The following C3orf49 variants were observed in gnomAD, a reference collection of about 807,000 sequenced individuals.
C3orf49 encodes the protein putative uncharacterized protein C3orf49.
In C3orf49, 27 loss-of-function variants were observed where a neutral mutation model predicts 13.3. That is an observed-to-expected ratio of 2.02 (90% CI 1.49 to 2.79). The LOEUF (loss-of-function observed/expected upper bound fraction) is 2.79, where lower values mean the gene tolerates loss of function less well. Ranked by LOEUF, C3orf49 falls within the 30% of genes most tolerant of loss-of-function variation. C3orf49 has a pLI of 0.00. For synonymous variants in C3orf49, 87 were observed against 47.6 expected (o/e 1.83, Z -3.40); for missense variants, 242 against 134.2 (o/e 1.80, Z -3.97).
chr3:63,823,598 G>A, intron 2 of C3orf49, 29 bp downstream of exon 2: 1 of 681,346 alleles, frequency 1.5e-6, no homozygotes. Context: ...TTTGTCTTTG[G>A]GTTGAGGCCA....
At chr3:63,786,410 C>T in the C3orf49 span, among the ~76,000 whole-genome samples, 2 of 152,112 alleles carry the variant, frequency 1.3e-5, no homozygotes, top group South Asian at 2.1e-4. Flanking sequence ...TCTCACAACA[C>T]TTCCCCCAAT....
At chr3:63,796,979 C>CT in the C3orf49 span, among the ~76,000 whole-genome samples, 2 of 151,688 alleles carry the variant, frequency 1.3e-5, no homozygotes, top group Non-Finnish European at 2.9e-5. Context: ...TTCTCTTTAG[C>CT]TTTTTTTGTT....
In C3orf49 at chr3:63,819,492, T is replaced by TC; in HGVS notation, c.22dup (p.Leu8ProfsTer6). On this transcript the variant is annotated frameshift_variant, in exon 1 of 7. Coordinates refer to ENST00000295896, the MANE Select transcript of C3orf49 (RefSeq NM_001355236.2). LOFTEE classifies it high-confidence loss of function. ...GAGCAATGGCCCAACCTCAGCTGTA[T>TC]CTACCAGAACCCTTTAAGATTGCCT... 1 of 702,952 alleles carries TC rather than the reference T, an allele frequency of 1.4e-6. No homozygotes were observed. The highest frequency in any genetic ancestry group is 2.6e-6 in the Non-Finnish European group (1 of 384,942). 43.5% of individuals were successfully genotyped at this position (702,952 alleles called of 1,614,324 possible).
the C3orf49 span, among the ~76,000 whole-genome samples, chr3:63,799,188 C>G: frequency 6.6e-6 from 1 of 152,120 alleles, no homozygotes; most frequent in Non-Finnish European, 1.5e-5. Context: ...GGTTGAATTG[C>G]ATGTTACAGA....
At chr3:63,787,955 C>G in the C3orf49 span, among the ~76,000 whole-genome samples, 2 of 152,218 alleles carry the variant, frequency 1.3e-5, no homozygotes, top group Admixed American at 6.5e-5. Context: ...TTGTTCATGA[C>G]TATTTGCTTT....
chr3:63,790,191 G>A, the C3orf49 span, among the ~76,000 whole-genome samples: 1 of 152,104 alleles, frequency 6.6e-6, no homozygotes, highest in Non-Finnish European at 1.5e-5. Flanking sequence ...GTATGCAAGT[G>A]GAGTATGATT....
the C3orf49 span, among the ~76,000 whole-genome samples, chr3:63,788,728 T>TA: frequency 0.02 from 2,758 of 139,716 alleles, 61 homozygotes; most frequent in African/African-American, 0.06. Flanking sequence ...TATTACAATT[T>TA]AAAAAAAAAA....
rs569849065 is a variant in C3orf49 at position 63,839,523 on chromosome 3, T to A, written c.850-5500T>A. On this transcript the variant is annotated intron_variant, in intron 5 of 6. Coordinates refer to ENST00000295896, the MANE Select transcript of C3orf49 (RefSeq NM_001355236.2). ...AGAAGAAAAGGCCAAGAAAATCTAC[T>A]CTTGGTTAATTAAGAGTTGACTCCA... 3.3e-5 allele frequency: 26 copies of A among 777,866 alleles called. 1 individual carries two copies. In the African/African-American group the frequency reaches 3.8e-4, roughly 12 times the overall value. 48.2% of individuals were successfully genotyped at this position (777,866 alleles called of 1,614,324 possible).
chr3:63,822,434 C>T (rs976240757), intron 1 of C3orf49, among the ~76,000 whole-genome samples: 4 of 152,222 alleles, frequency 2.6e-5, no homozygotes, highest in East Asian at 1.9e-4. Flanking sequence ...ATTGTATCAC[C>T]GTACAGGTGA....
At chr3:63,841,240 G>A (rs917607241) in intron 5 of C3orf49, among the ~76,000 whole-genome samples, 3 of 152,168 alleles carry the variant, frequency 2.0e-5, no homozygotes, top group Non-Finnish European at 2.9e-5. Flanking sequence ...ACACATGCAT[G>A]TGTGTATTCA....
the C3orf49 span, among the ~76,000 whole-genome samples, chr3:63,813,347 T>C: frequency 6.6e-6 from 1 of 152,188 alleles, no homozygotes. Flanking sequence ...CTTACTCCCA[T>C]TGATATCAAC....
intron 5 of C3orf49, among the ~76,000 whole-genome samples, chr3:63,843,879 C>A (rs184621131): frequency 3.0e-4 from 45 of 150,670 alleles, no homozygotes; most frequent in African/African-American, 1.1e-3. Flanking sequence ...CCAGCCTGGG[C>A]GACAGAGTGA....
chr3:63,821,991 T>A (rs1215375511), intron 1 of C3orf49, among the ~76,000 whole-genome samples: 2 of 152,178 alleles, frequency 1.3e-5, no homozygotes, highest in Non-Finnish European at 2.9e-5. Flanking sequence ...TTTTTGTTTT[T>A]TTGAGACAGA....
the C3orf49 span, among the ~76,000 whole-genome samples, chr3:63,783,717 CA>C: frequency 3.9e-3 from 577 of 148,006 alleles, 1 homozygote; most frequent in Non-Finnish European, 5.6e-3. Flanking sequence ...GACTCCATCT[CA>C]AAAAAAAATT....
intron 5 of C3orf49, among the ~76,000 whole-genome samples, chr3:63,833,045 TC>T (rs1701554167): frequency 6.6e-6 from 1 of 152,104 alleles, no homozygotes; most frequent in Middle Eastern, 3.4e-3. Context: ...TACAAGTGAT[TC>T]CGCCTTAGCT....
At chr3:63,839,681 A>T in intron 5 of C3orf49, 1 of 1,612,262 alleles carries the variant, frequency 6.2e-7, no homozygotes, top group Middle Eastern at 2.1e-4. Context: ...CCAGAGTTGC[A>T]CCATTTAATG....
At chr3:63,790,962 C>T in the C3orf49 span, among the ~76,000 whole-genome samples, 1 of 152,194 alleles carries the variant, frequency 6.6e-6, no homozygotes, top group Non-Finnish European at 1.5e-5. Context: ...CTCAGGAGTA[C>T]ACGTTATGCC....
chr3:63,811,218 A>C, the C3orf49 span, among the ~76,000 whole-genome samples: 1 of 152,082 alleles, frequency 6.6e-6, no homozygotes, highest in Non-Finnish European at 1.5e-5. Context: ...TAAATAAAAA[A>C]CTCTTCACTT....
upstream of C3orf49, among the ~76,000 whole-genome samples, chr3:63,817,551 C>T (rs1701338528): frequency 6.6e-6 from 1 of 152,006 alleles, no homozygotes; most frequent in Non-Finnish European, 1.5e-5. Context: ...AATGAAGGTC[C>T]AAAGAGGTTT....
Sources: allele counts gnomAD v4.1 joint callset (sites outside exome capture counted in the v4.1 genomes callset), GRCh38; gene constraint gnomAD v4.1.1; transcripts MANE v1.5; gene names NCBI Gene and HGNC (gene_info 2026-07-23, HGNC 2026-07-21).